The following CEP170B variants were observed in gnomAD, a reference collection of about 807,000 sequenced individuals.
CEP170B encodes centrosomal protein 170B.
A neutral mutation model predicts 120.6 loss-of-function variants in CEP170B; 55 were observed. That is an observed-to-expected ratio of 0.46 (90% CI 0.37 to 0.57). The LOEUF (loss-of-function observed/expected upper bound fraction) is 0.57, where lower values mean the gene tolerates loss of function less well. Ranked by LOEUF, CEP170B falls within the 20% of genes least tolerant of loss-of-function variation. CEP170B has a pLI of 0.00. For missense variants in CEP170B, 2,212 were observed against 2,253.3 expected, an observed-to-expected ratio of 0.98 and a Z score of 0.37; for synonymous variants, 1,033 against 954.5, an observed-to-expected ratio of 1.08 and a Z score of -1.52.
Position 104,896,573 on chromosome 14 carries a change from T to G in CEP170B, c.*1615T>G, listed in dbSNP as rs1897083387. 1 of 456,020 alleles carries G rather than the reference T, an allele frequency of 2.2e-6. No homozygotes were observed. The highest frequency in any genetic ancestry group is 4.4e-6 in the Non-Finnish European group (1 of 226,938). The allele number at this position is 456,020 out of a possible 1,614,324, so 28.2% of individuals were successfully genotyped here. A position where few individuals can be genotyped will look rare whatever the true frequency, so the allele number is the denominator to read the frequency against. ...CTGCTCCTCCCCACACTGAGCTCCTTTGTTCCTCCCCCTCCAGCCTTTGCC... is the reference window on the plus strand; with the variant it reads ...CTGCTCCTCCCCACACTGAGCTCCTGTGTTCCTCCCCCTCCAGCCTTTGCC... On this transcript the variant is annotated 3_prime_UTR_variant, in exon 19 of 19. Transcript: ENST00000414716.
In CEP170B at chr14:104,887,147, G is replaced by A. The variant is rs774703363; in HGVS notation, c.2908G>A (p.Gly970Arg). 1.8e-5 allele frequency: 29 copies of A among 1,609,368 alleles called. No homozygotes were observed. The highest frequency in any genetic ancestry group is 1.6e-4 in the Middle Eastern group (1 of 6,084). ...STVSLRSGKS[G>R]PSPTTPQPLR... ...CGTCAGCCTGCGTAGTGGCAAGAGC[G>A]GGCCCAGCCCCACAACCCCCCAGCC... Residue 970 changes from glycine (G) to arginine (R), a missense_variant, in exon 12 of 19, where the codon GGG (glycine) becomes AGG (arginine). Physicochemically the swap from Gly to Arg is moderately radical, Grantham distance 125 (BLOSUM62 -2). Around this residue, in one of 2 missense-constraint regions of CEP170B, gnomAD observed 2,166 missense variants for 2,166.7 expected, o/e 1.00. Coordinates refer to ENST00000414716, the MANE Select transcript of CEP170B (RefSeq NM_001112726.3).
chr14:104,886,738 G>C lies in CEP170B; in HGVS notation c.2499G>C (p.Arg833=), dbSNP rs1312690251. 1 of 1,608,976 alleles carries C rather than the reference G, an allele frequency of 6.2e-7. No individual in the cohort carries two copies. Among genetic ancestry groups the C allele is most frequent in the Non-Finnish European group, 8.5e-7 (1 of 1,177,722 alleles). The change falls in exon 12 of 19, where the codon CGG becomes CGC. Residue 833 remains arginine, a synonymous_variant. Transcript: ENST00000414716. Reference sequence around the variant, plus strand: ...CAGCCCAGCCCAGCCCCCCAGCACGGGATGGCGTCTATGTCAGTGCCAATG... The same window carrying C: ...CAGCCCAGCCCAGCCCCCCAGCACGCGATGGCGTCTATGTCAGTGCCAATG... ...GQTAQPSPPA[R]DGVYVSANGR...
chr14:104,877,904 G>T lies in CEP170B; in HGVS notation c.215G>T (p.Arg72Leu). The change falls in exon 4 of 19, where the codon CGC (arginine) becomes CTC (leucine). Residue 72 changes from arginine (R) to leucine (L), a missense_variant. Physicochemically the swap from Arg to Leu is moderately radical, Grantham distance 102. Transcript: ENST00000414716. ...SLNGTFVNDM[R>L]IPDQKYVTLK... ...CTGCAGACGTTTGTGAATGACATGC[G>T]CATCCCGGACCAGAAGTACGTCACG... is the stretch of plus-strand genomic sequence containing the variant. The T allele has an allele frequency of 5.2e-6, 8 of 1,524,762 alleles. No individual in the cohort carries two copies. The highest frequency in any genetic ancestry group is 6.2e-6 in the Non-Finnish European group (7 of 1,122,394). 94.5% of individuals were successfully genotyped at this position (1,524,762 alleles called of 1,614,324 possible). A position where few individuals can be genotyped will look rare whatever the true frequency, so the allele number is the denominator to read the frequency against.
chr14:104,885,607 C>G (rs1896441690), intron 10 of CEP170B, 65 bp downstream of exon 10: 1 of 1,498,712 alleles, frequency 6.7e-7, no homozygotes, highest in Admixed American at 2.5e-5. Flanking sequence ...CCAAGCCGGA[C>G]CTGGGGTCAG....
At chr14:104,876,538 T>C (rs35161378) in intron 3 of CEP170B, among the ~76,000 whole-genome samples, 193 bp downstream of exon 3, 18,197 of 120,458 alleles carry the variant, frequency 0.15, 2,465 homozygotes, top group African/African-American at 0.4. Flanking sequence ...CAGCTCTGGC[T>C]CCTCCCCCAG....
intron 2 of CEP170B, among the ~76,000 whole-genome samples, chr14:104,874,378 G>T (rs1019761478): frequency 6.6e-6 from 1 of 152,184 alleles, no homozygotes; most frequent in African/African-American, 2.4e-5. Flanking sequence ...TGGCTATCAA[G>T]GTCAGACCCA....
intron 5 of CEP170B, among the ~76,000 whole-genome samples, chr14:104,879,554 C>T (rs919147930): frequency 1.3e-5 from 2 of 152,190 alleles, no homozygotes; most frequent in Non-Finnish European, 2.9e-5. Flanking sequence ...TCTCCGATCT[C>T]CTCCCGCACT....
intron 13 of CEP170B, among the ~76,000 whole-genome samples, chr14:104,890,173 G>C (rs868222961): frequency 2.3e-4 from 24 of 105,394 alleles, no homozygotes; most frequent in African/African-American, 6.4e-4. Flanking sequence ...TGGATGGATG[G>C]ATGGATGGAT....
At chr14:104,873,647 G>A (rs72700159) in intron 2 of CEP170B, among the ~76,000 whole-genome samples, 3,451 of 152,130 alleles carry the variant, frequency 0.023, 67 homozygotes, top group Non-Finnish European at 0.035. Context: ...GGCCCAGCGG[G>A]TCTGAGGCTA....
At chr14:104,879,965 G>C (rs1896058986) in intron 5 of CEP170B, among the ~76,000 whole-genome samples, 1 of 152,098 alleles carries the variant, frequency 6.6e-6, no homozygotes, top group Non-Finnish European at 1.5e-5. Flanking sequence ...AAGGGAGTCA[G>C]GTTCTGTCTG....
chr14:104,871,135 C>G (rs752549359), intron 2 of CEP170B, among the ~76,000 whole-genome samples: 1 of 152,114 alleles, frequency 6.6e-6, no homozygotes, highest in Non-Finnish European at 1.5e-5. Flanking sequence ...AGCTCATGCT[C>G]AGGGGCCTCA....
chr14:104,872,166 CGTGTGTGTGCGTGTGTGTGCTGT>C (rs1211024876), intron 2 of CEP170B, among the ~76,000 whole-genome samples: 3 of 124,564 alleles, frequency 2.4e-5, no homozygotes, highest in African/African-American at 9.3e-5. Context: ...GTGTGTGCCG[CGTGTGTGTGCGTGTGTGTGCTGT>C]GTGTGTGCCG....
chr14:104,878,040 A>G (rs1895956172), intron 4 of CEP170B, 77 bp downstream of exon 4: 14 of 1,221,908 alleles, frequency 1.1e-5, no homozygotes, highest in Non-Finnish European at 1.4e-5. Context: ...TTACTCCAGA[A>G]GCAGGGCTGT....
Position 104,893,661 on chromosome 14 carries a change from G to A in CEP170B, c.4177G>A (p.Glu1393Lys), listed in dbSNP as rs541778675. 8.2e-6 allele frequency: 13 copies of A among 1,585,924 alleles called. No homozygotes were observed. The South Asian group carries it at 1.5e-4, about 18-fold the overall frequency. ...LANKTRPRNREEVIFDNLMLN... is the reference protein window; with the variant it reads ...LANKTRPRNRKEVIFDNLMLN... ...CAACAAGACGCGGCCTCGGAACCGA[G>A]AGGAGGCACGGTGCCCACTACCGCC... Residue 1393 changes from glutamate (E) to lysine (K), a missense_variant, in exon 15 of 19, where the codon GAG becomes AAG. By Grantham distance (56) the Glu-to-Lys change is moderately conservative. Transcript: ENST00000414716.
intron 4 of CEP170B, 63 bp from the exon 5 acceptor site, chr14:104,878,380 G>C: frequency 1.3e-6 from 2 of 1,543,146 alleles, no homozygotes; most frequent in Non-Finnish European, 1.8e-6. Flanking sequence ...CTGTTGCTGG[G>C]CGTGGACTTC....
chr14:104,877,805 G>GCC, intron 3 of CEP170B, 80 bp from the exon 4 acceptor site: 1 of 587,534 alleles, frequency 1.7e-6, no homozygotes, highest in Non-Finnish European at 2.7e-6. Context: ...CACCTGCTCA[G>GCC]CCCCACCACC....
Position 104,895,118 on chromosome 14 carries a change from G to A in CEP170B, c.*160G>A. ...CTCCCACGCCCTTGCCCCCTCGTCA[G>A]CTCCCAGCCAGCACCCTACTCACCC... is the stretch of plus-strand genomic sequence containing the variant. On this transcript the variant is annotated 3_prime_UTR_variant, in exon 19 of 19. Coordinates refer to ENST00000414716, the MANE Select transcript of CEP170B (RefSeq NM_001112726.3). 2.5e-6 allele frequency: 2 copies of A among 793,988 alleles called. No homozygotes were observed. The highest frequency in any genetic ancestry group is 3.8e-6 in the Non-Finnish European group (2 of 523,228). 49.2% of individuals were successfully genotyped at this position (793,988 alleles called of 1,614,324 possible). A position where few individuals can be genotyped will look rare whatever the true frequency, so the allele number is the denominator to read the frequency against.
At position 104,886,487 on chromosome 14, in the gene CEP170B, G is replaced by T; in HGVS notation, c.2248G>T (p.Ala750Ser). The T allele has an allele frequency of 6.5e-7, 1 of 1,535,794 alleles. No homozygotes were observed. The highest frequency in any genetic ancestry group is 1.4e-5 in the African/African-American group (1 of 73,088). The change falls in exon 12 of 19, where the codon GCC (alanine) becomes TCC (serine). Residue 750 changes from alanine (A) to serine (S), a missense_variant. Transcript: ENST00000414716. ...GTTGGATCCTGACAGCCTCAGCGAT[G>T]CCAGTGGGTCGGACGGGGGCCGAGG... ...EELDPDSLSD[A>S]SGSDGGRGPE...
intron 2 of CEP170B, among the ~76,000 whole-genome samples, chr14:104,874,669 G>A (rs1173394792): frequency 4.0e-5 from 6 of 150,006 alleles, no homozygotes; most frequent in Non-Finnish European, 5.9e-5. Flanking sequence ...CCCTGCCCCC[G>A]GTCCTCCACT....
Sources: allele counts gnomAD v4.1 joint callset (sites outside exome capture counted in the v4.1 genomes callset), GRCh38; gene constraint gnomAD v4.1.1; regional missense constraint gnomAD v4.1.1; transcripts MANE v1.5; gene names NCBI Gene and HGNC (gene_info 2026-07-23, HGNC 2026-07-21).